Variants in PLSCR4 observed in about 807,000 individuals in gnomAD.
The protein encoded by PLSCR4 is Ca(2+)-dependent phospholipid scramblase 4.
Under a neutral mutation model 36.3 loss-of-function variants are expected in PLSCR4, and 25 were observed. That is an observed-to-expected ratio of 0.69 (90% CI 0.50 to 0.96). PLSCR4 has a LOEUF of 0.96. PLSCR4 is among the 40% of genes least tolerant of loss of function. PLSCR4 has a pLI of 0.00. For missense variants in PLSCR4, 408 were observed against 414.7 expected (o/e 0.98, Z 0.14); for synonymous variants, 122 against 132.9 (o/e 0.92, Z 0.56).
At chr3:146,213,001 T>C (rs1360415645) in intron 3 of PLSCR4, among the ~76,000 whole-genome samples, 1 of 152,200 alleles carries the variant, frequency 6.6e-6, no homozygotes, top group Admixed American at 6.5e-5. Flanking sequence ...ATTTTATTAA[T>C]ATAGTACATA....
intron 1 of PLSCR4, among the ~76,000 whole-genome samples, chr3:146,233,617 C>T (rs2035805100): frequency 6.6e-6 from 1 of 152,122 alleles, no homozygotes; most frequent in Non-Finnish European, 1.5e-5. Flanking sequence ...AATTAGTAAA[C>T]ATCTATGATG....
rs1008050605 is a variant in PLSCR4, at chr3:146,220,739, T to G, written c.118+76A>C. 8 of 866,712 alleles carry G rather than the reference T, an allele frequency of 9.2e-6. No individual in the cohort carries two copies. In the African/African-American group the frequency reaches 1.4e-4, roughly 15 times the overall value. The allele number at this position is 866,712 out of a possible 1,614,324, so 53.7% of individuals were successfully genotyped here. On this transcript the variant is annotated intron_variant, in intron 3 of 8. Coordinates refer to ENST00000354952, the MANE Select transcript of PLSCR4 (RefSeq NM_020353.3). ...CTTATTAAATCAGTCAATTAATTTG[T>G]TCGCTTAAAAAGCAATTTTAATCAT...
chr3:146,220,417 T>C (rs990955730), intron 3 of PLSCR4, among the ~76,000 whole-genome samples: 1 of 152,206 alleles, frequency 6.6e-6, no homozygotes, highest in Non-Finnish European at 1.5e-5. Context: ...TACGGACATA[T>C]GATTCTTTCT....
intron 8 of PLSCR4, among the ~76,000 whole-genome samples, 168 bp downstream of exon 8, chr3:146,194,956 T>A (rs1211785390): frequency 1.3e-5 from 2 of 152,194 alleles, no homozygotes; most frequent in African/African-American, 4.8e-5. Context: ...ATTTTACAGA[T>A]GAGGAAACTG....
intron 3 of PLSCR4, among the ~76,000 whole-genome samples, chr3:146,214,987 G>A (rs778637901): frequency 6.6e-5 from 10 of 151,854 alleles, no homozygotes; most frequent in Non-Finnish European, 1.0e-4. Context: ...CACTCATTCT[G>A]TCTTGATGAC....
intron 1 of PLSCR4, among the ~76,000 whole-genome samples, chr3:146,249,987 A>T (rs967712954): frequency 6.6e-6 from 1 of 152,178 alleles, no homozygotes; most frequent in Non-Finnish European, 1.5e-5. Context: ...AACTTTGATA[A>T]ATTCACTTAT....
chr3:146,218,884 G>A (rs2108283902), intron 3 of PLSCR4, among the ~76,000 whole-genome samples: 1 of 152,052 alleles, frequency 6.6e-6, no homozygotes, highest in East Asian at 1.9e-4. Context: ...TATAACAAAG[G>A]TTTCTTTATT....
intron 1 of PLSCR4, among the ~76,000 whole-genome samples, chr3:146,249,201 C>T (rs2036458885): frequency 6.6e-6 from 1 of 151,930 alleles, no homozygotes; most frequent in Non-Finnish European, 1.5e-5. Context: ...TTGTATTATG[C>T]TTAGAAATGC....
At chr3:146,214,859 G>T (rs2108271833) in intron 3 of PLSCR4, among the ~76,000 whole-genome samples, 1 of 152,144 alleles carries the variant, frequency 6.6e-6, no homozygotes, top group South Asian at 2.1e-4. Context: ...ATCTATTATT[G>T]TAAGTGGGGT....
chr3:146,212,951 T>C (rs2034697657), intron 3 of PLSCR4, among the ~76,000 whole-genome samples: 1 of 152,210 alleles, frequency 6.6e-6, no homozygotes, highest in Non-Finnish European at 1.5e-5. Flanking sequence ...CAAGTGTGAT[T>C]TCTGTGCTTA....
intron 1 of PLSCR4, among the ~76,000 whole-genome samples, chr3:146,230,256 C>A (rs9873891): frequency 0.69 from 104,234 of 151,982 alleles, 36,273 homozygotes; most frequent in Admixed American, 0.76. Flanking sequence ...ATACATATTT[C>A]TGATTACAAA....
In PLSCR4 at chr3:146,201,068, T is replaced by G; in HGVS notation, c.364A>C (p.Ile122Leu). 6.4e-7 allele frequency: 1 copy of G among 1,553,280 alleles called. No homozygotes were observed. Among genetic ancestry groups the G allele is most frequent in the Non-Finnish European group, 8.6e-7 (1 of 1,156,950 alleles). ...GGCTCAAAATGCTGAAGAACATGTATGTTGTCCAACTGTTGGGATAAAACA... is the reference window on the plus strand; with the variant it reads ...GGCTCAAAATGCTGAAGAACATGTAGGTTGTCCAACTGTTGGGATAAAACA... ...GLEYLVQLDNIHVLQHFEPLE... is the reference protein window; with the variant it reads ...GLEYLVQLDNLHVLQHFEPLE... The change falls in exon 5 of 9, where the codon ATA (isoleucine) becomes CTA (leucine). Residue 122 changes from isoleucine (I) to leucine (L), a missense_variant. Physicochemically the swap from Ile to Leu is conservative, Grantham distance 5 (BLOSUM62 2). Transcript: ENST00000354952.
chr3:146,199,203 A>C (rs367909043), intron 6 of PLSCR4, among the ~76,000 whole-genome samples: 26 of 152,262 alleles, frequency 1.7e-4, no homozygotes, highest in African/African-American at 5.5e-4. Context: ...TAGGTGACAT[A>C]TCTAGAATTC....
At chr3:146,229,767 G>C (rs932394421) in intron 1 of PLSCR4, among the ~76,000 whole-genome samples, 3 of 151,786 alleles carry the variant, frequency 2.0e-5, no homozygotes, top group African/African-American at 7.3e-5. Context: ...TGGAACTACA[G>C]GCGCCCGCCA....
intron 3 of PLSCR4, among the ~76,000 whole-genome samples, chr3:146,219,865 G>A (rs1468411279): frequency 6.6e-6 from 1 of 152,100 alleles, no homozygotes; most frequent in Non-Finnish European, 1.5e-5. Context: ...ACTTGAACCT[G>A]GGAGGTGGAG....
At chr3:146,217,297 C>T (rs1251635218) in intron 3 of PLSCR4, among the ~76,000 whole-genome samples, 1 of 152,182 alleles carries the variant, frequency 6.6e-6, no homozygotes, top group Non-Finnish European at 1.5e-5. Flanking sequence ...GATGCTAACA[C>T]ACTAGACCTA....
At chr3:146,229,828 G>C (rs9869711) in intron 1 of PLSCR4, among the ~76,000 whole-genome samples, 110,795 of 151,534 alleles carry the variant, frequency 0.73, 41,062 homozygotes, top group South Asian at 0.81. Context: ...GTTTCACCAT[G>C]TTAGCCAGGA....
At chr3:146,242,797 G>T (rs1478839487) in intron 1 of PLSCR4, among the ~76,000 whole-genome samples, 1 of 152,146 alleles carries the variant, frequency 6.6e-6, no homozygotes, top group African/African-American at 2.4e-5. Context: ...AAGGCAAACA[G>T]GTTTATGTCT....
chr3:146,228,047 C>G (rs2035550815), intron 1 of PLSCR4, among the ~76,000 whole-genome samples: 2 of 152,186 alleles, frequency 1.3e-5, no homozygotes, highest in African/African-American at 2.4e-5. Flanking sequence ...AGATCTTTCT[C>G]TGATGGCTGT....
Sources: gnomAD v4.1 joint callset for allele counts (sites outside exome capture counted in the v4.1 genomes callset) on GRCh38, gnomAD v4.1.1 for gene constraint, MANE v1.5 for transcripts, NCBI Gene and HGNC (gene_info 2026-07-23, HGNC 2026-07-21) for gene names.